Variants in FIG4 observed in about 807,000 individuals in gnomAD.
FIG4 encodes polyphosphoinositide phosphatase.
A neutral mutation model predicts 118.6 loss-of-function variants in FIG4; 112 were observed. That is an observed-to-expected ratio of 0.94 (90% CI 0.81 to 1.11). The LOEUF (loss-of-function observed/expected upper bound fraction) is 1.11, where lower values mean the gene tolerates loss of function less well. FIG4 is among the 50% of genes least tolerant of loss of function. The probability of loss-of-function intolerance (pLI) is 0.00; values close to 1 mark genes in which losing one functional copy is unlikely to be tolerated. For missense variants in FIG4, 969 were observed against 1,111.7 expected (o/e 0.87, Z 1.83); for synonymous variants, 369 against 381.2 (o/e 0.97, Z 0.37).
intron 10 of FIG4, among the ~76,000 whole-genome samples, chr6:109,755,889 C>T (rs888143785): frequency 1.3e-5 from 2 of 152,152 alleles, no homozygotes; most frequent in African/African-American, 4.8e-5. Context: ...ACTCTTTATC[C>T]AATTTGCCAG....
At chr6:109,715,056 T>G in intron 1 of FIG4, 22 bp from the exon 2 acceptor site, 11 of 1,362,368 alleles carry the variant, frequency 8.1e-6, no homozygotes, top group African/African-American at 1.4e-5. Context: ...GATAAACTAA[T>G]GACATTCCTT....
At chr6:109,824,868 A>G (rs1405133107) in intron 22 of FIG4, among the ~76,000 whole-genome samples, 5 of 152,134 alleles carry the variant, frequency 3.3e-5, no homozygotes, top group East Asian at 1.9e-4. Flanking sequence ...TGCCCTGCCT[A>G]TGCAATCAGG....
intron 16 of FIG4, among the ~76,000 whole-genome samples, chr6:109,780,681 C>G (rs1162468941): frequency 6.6e-6 from 1 of 151,974 alleles, no homozygotes; most frequent in Non-Finnish European, 1.5e-5. Context: ...CATGCTGTAT[C>G]TTATACTGTG....
chr6:109,776,939 T>C lies in FIG4; in HGVS notation c.1768T>C (p.Ser590Pro). 1 of 1,613,466 alleles carries C rather than the reference T, an allele frequency of 6.2e-7. No homozygotes were observed. Among genetic ancestry groups the C allele is most frequent in the Non-Finnish European group, 8.5e-7 (1 of 1,179,510 alleles). ...NAFSDADRQD[S>P]INLFLGVFHP... is the part of the protein sequence containing the mutation. ...CTTTTTAGATGCCGATAGACAAGAT[T>C]CCATTAATCTCTTCCTGGGAGTTTT... is the stretch of plus-strand genomic sequence containing the variant. Residue 590 changes from serine to proline, a missense_variant, in exon 16 of 23, where the codon TCC becomes CCC. Physicochemically the swap from Ser to Pro is moderately conservative, Grantham distance 74. Around this residue, in one of 3 missense-constraint regions of FIG4, gnomAD observed 246 missense variants for 354.3 expected, o/e 0.69. Coordinates refer to ENST00000230124, the MANE Select transcript of FIG4 (RefSeq NM_014845.6).
chr6:109,735,829 C>T, intron 6 of FIG4, among the ~76,000 whole-genome samples: 1 of 152,102 alleles, frequency 6.6e-6, no homozygotes, highest in Middle Eastern at 3.4e-3. Flanking sequence ...AAATGAAGAT[C>T]ATACAGCCAT....
chr6:109,803,808 C>G lies in FIG4; in HGVS notation c.2546+6957C>G, dbSNP rs373378433. The stretch of plus-strand genomic sequence containing the variant: ...AACAGTCCCCAGTGTGTGATGTTCC[C>G]CTTCCTGTGTCCAAGTGTTCTCATT... On this transcript the variant is annotated intron_variant, in intron 22 of 22. Transcript: ENST00000230124. 2.8e-3 allele frequency among the ~76,000 whole-genome samples: 410 copies of G among 144,296 alleles called. 1 individual carries two copies. Among genetic ancestry groups the G allele is most frequent in the Middle Eastern group, 0.011 (3 of 272 alleles). 94.7% of individuals were successfully genotyped at this position (144,296 alleles called of 152,430 possible).
At position 109,742,292 on chromosome 6, in the gene FIG4, CTT is replaced by C. The variant is rs146106847; in HGVS notation, c.876+750_876+751del. On this transcript the variant is annotated intron_variant, in intron 8 of 22. Transcript: ENST00000230124. ...CAAGGTTCAGGAAACGCTTTGCCCT[CTT>C]TGTCTTTTTTGCCCATACTCCTTTT... Among the ~76,000 whole-genome samples, 693 of 152,174 alleles carry C rather than the reference CTT, an allele frequency of 4.6e-3. 3 individuals carry two copies. Among genetic ancestry groups the C allele is most frequent in the African/African-American group, 0.015 (608 of 41,540 alleles).
rs1777295155 is a variant in FIG4, at chr6:109,766,853, A to G, written c.1708A>G (p.Ile570Val). Residue 570 changes from isoleucine (I) to valine (V), a missense_variant, in exon 15 of 23, where the codon ATC becomes GTC. Physicochemically the swap from Ile to Val is conservative, Grantham distance 29 (BLOSUM62 3). Around this residue, in one of 3 missense-constraint regions of FIG4, gnomAD observed 246 missense variants for 354.3 expected, o/e 0.69. Coordinates refer to ENST00000230124, the MANE Select transcript of FIG4 (RefSeq NM_014845.6). ...ACCATGGACCCAGCACTCCAAAGACATCATGCAAACCCTGTCTAGATATTA... is the reference window on the plus strand; with the variant it reads ...ACCATGGACCCAGCACTCCAAAGACGTCATGCAAACCCTGTCTAGATATTA... ...IAPWTQHSKD[I>V]MQTLSRYYSN... is the part of the protein sequence containing the mutation. The G allele has an allele frequency of 1.2e-6, 2 of 1,614,044 alleles. No homozygotes were observed. Among genetic ancestry groups the G allele is most frequent in the Non-Finnish European group, 1.7e-6 (2 of 1,180,006 alleles).
At chr6:109,719,753 C>T (rs1181502049) in intron 3 of FIG4, among the ~76,000 whole-genome samples, 1 of 152,042 alleles carries the variant, frequency 6.6e-6, no homozygotes, top group African/African-American at 2.4e-5. Flanking sequence ...GGCTGTTTGA[C>T]TTTACATTAA....
intron 1 of FIG4, among the ~76,000 whole-genome samples, chr6:109,698,782 A>G (rs775791156): frequency 7.2e-5 from 11 of 152,254 alleles, no homozygotes; most frequent in Non-Finnish European, 1.6e-4. Flanking sequence ...ATTATGGCCA[A>G]TTACATTAAT....
chr6:109,746,632 A>T (rs540302173), intron 10 of FIG4, among the ~76,000 whole-genome samples: 14 of 152,128 alleles, frequency 9.2e-5, no homozygotes, highest in Non-Finnish European at 2.1e-4. Flanking sequence ...GACCATGCAG[A>T]GTATTGTAGG....
intron 17 of FIG4, 28 bp from the exon 18 acceptor site, chr6:109,786,274 T>C: frequency 6.3e-7 from 1 of 1,598,302 alleles, no homozygotes; most frequent in South Asian, 1.1e-5. Context: ...TCTCAGACTT[T>C]TAGAGTAACA....
intron 4 of FIG4, among the ~76,000 whole-genome samples, chr6:109,731,807 A>G (rs899430219): frequency 1.3e-5 from 2 of 152,204 alleles, no homozygotes; most frequent in African/African-American, 2.4e-5. Flanking sequence ...CCCCACAGAT[A>G]CCGAGGGATG....
chr6:109,733,351 C>T (rs1328864826), intron 5 of FIG4, among the ~76,000 whole-genome samples: 1 of 151,988 alleles, frequency 6.6e-6, no homozygotes, highest in Non-Finnish European at 1.5e-5. Flanking sequence ...TATTTTACTA[C>T]CATTGACGTG....
chr6:109,759,821 G>A (rs1777045474), intron 10 of FIG4, among the ~76,000 whole-genome samples: 1 of 152,240 alleles, frequency 6.6e-6, no homozygotes, highest in Non-Finnish European at 1.5e-5. Context: ...CTGAGAAGCT[G>A]CTTTCTGCTG....
At chr6:109,778,089 A>G (rs2128394758) in intron 16 of FIG4, among the ~76,000 whole-genome samples, 1 of 152,280 alleles carries the variant, frequency 6.6e-6, no homozygotes, top group Admixed American at 6.5e-5. Context: ...CATTGCACTC[A>G]AAGGCCTCTA....
At chr6:109,735,986 T>TA (rs1321805304) in intron 6 of FIG4, among the ~76,000 whole-genome samples, 39 of 152,050 alleles carry the variant, frequency 2.6e-4, no homozygotes, top group Middle Eastern at 3.4e-3. Flanking sequence ...AATCCTGGAC[T>TA]AAACCAGTCA....
intron 16 of FIG4, among the ~76,000 whole-genome samples, chr6:109,778,259 G>A (rs978980331): frequency 2.6e-5 from 4 of 151,072 alleles, no homozygotes; most frequent in Non-Finnish European, 4.4e-5. Flanking sequence ...TCAGCAGTTC[G>A]AGACCAGCCT....
chr6:109,808,224 C>CA (rs1778622310), intron 22 of FIG4, among the ~76,000 whole-genome samples: 2 of 151,884 alleles, frequency 1.3e-5, no homozygotes, highest in South Asian at 4.2e-4. Flanking sequence ...AGGTGGTCTG[C>CA]AAAACCCTCA....
Sources: gnomAD v4.1 joint callset for allele counts (sites outside exome capture counted in the v4.1 genomes callset) on GRCh38, gnomAD v4.1.1 for gene constraint, gnomAD v4.1.1 regional missense constraint, MANE v1.5 for transcripts, NCBI Gene and HGNC (gene_info 2026-07-23, HGNC 2026-07-21) for gene names.